Variants in SND1 observed in about 807,000 individuals in gnomAD.
The protein encoded by SND1 is staphylococcal nuclease domain-containing protein 1.
A neutral mutation model predicts 121.7 loss-of-function variants in SND1; 38 were observed. The observed-to-expected ratio is 0.31, with a 90% CI of 0.24 to 0.41. The LOEUF is 0.41. Among genes scored for constraint, SND1 ranks in the 10% least tolerant of loss-of-function variants. The pLI, the probability that SND1 is intolerant of heterozygous loss-of-function variation, is 1.00. For missense variants in SND1, 868 were observed against 1,184.6 expected (o/e 0.73, Z 3.92); for synonymous variants, 401 against 447.4 (o/e 0.90, Z 1.31).
chr7:127,997,400 A>G, intron 16 of SND1: 1 of 302,058 alleles, frequency 3.3e-6, no homozygotes, highest in Non-Finnish European at 6.4e-6. Context: ...AATGCTTCCA[A>G]GACTGCAGAG....
chr7:127,680,551 C>G (rs1428764739), intron 1 of SND1, among the ~76,000 whole-genome samples: 3 of 152,018 alleles, frequency 2.0e-5, no homozygotes, highest in African/African-American at 7.2e-5. Context: ...CGATATTTCT[C>G]CTATTTACTT....
intron 14 of SND1, among the ~76,000 whole-genome samples, chr7:127,927,341 A>C (rs1431488357): frequency 6.6e-6 from 1 of 152,218 alleles, no homozygotes; most frequent in Non-Finnish European, 1.5e-5. Flanking sequence ...AGGTTGCCTC[A>C]TGATTTGCGA....
intron 16 of SND1, among the ~76,000 whole-genome samples, chr7:127,994,549 C>CAAAAAAAAAAAAAAAA (rs563548702): frequency 4.3e-5 from 2 of 46,238 alleles, no homozygotes; most frequent in Non-Finnish European, 7.5e-5. Context: ...CACTTTTACT[C>CAAAAAAAAAAAAAAAA]AAAAAAAAAA....
intron 15 of SND1, among the ~76,000 whole-genome samples, chr7:127,967,950 T>C (rs1801893538): frequency 6.6e-6 from 1 of 152,212 alleles, no homozygotes; most frequent in Non-Finnish European, 1.5e-5. Flanking sequence ...CTCTATGTAT[T>C]TCCCCCTGGA....
chr7:127,850,486 G>C (rs572582381), intron 12 of SND1, among the ~76,000 whole-genome samples: 1 of 152,278 alleles, frequency 6.6e-6, no homozygotes, highest in East Asian at 1.9e-4. Context: ...TGGCTCTGCC[G>C]GGAGGTAGGG....
chr7:127,825,930 G>A (rs942736145), intron 11 of SND1, among the ~76,000 whole-genome samples: 4 of 152,138 alleles, frequency 2.6e-5, no homozygotes, highest in Admixed American at 6.5e-5. Flanking sequence ...GGTGGCTCAT[G>A]CCTGTAATCC....
intron 15 of SND1, among the ~76,000 whole-genome samples, chr7:127,971,777 T>A (rs1801995023): frequency 6.6e-6 from 1 of 151,402 alleles, no homozygotes; most frequent in South Asian, 2.1e-4. Flanking sequence ...ATTAATTTTT[T>A]TTTTTTTTTT....
chr7:127,835,484 A>G (rs772774540), intron 11 of SND1, among the ~76,000 whole-genome samples: 37 of 152,266 alleles, frequency 2.4e-4, no homozygotes, highest in African/African-American at 8.4e-4. Context: ...GAGGAAGGCA[A>G]TGGGAGTTGG....
At chr7:128,079,490 G>T (rs796266155) in intron 17 of SND1, among the ~76,000 whole-genome samples, 24 of 152,242 alleles carry the variant, frequency 1.6e-4, no homozygotes, top group South Asian at 1.2e-3. Context: ...GTGAGAAGGG[G>T]TCAGGAACTA....
At chr7:127,721,080 C>G (rs968776804) in intron 9 of SND1, among the ~76,000 whole-genome samples, 10 of 152,096 alleles carry the variant, frequency 6.6e-5, no homozygotes, top group African/African-American at 2.4e-4. Context: ...CAGATTTTGT[C>G]TCATTGAGAA....
chr7:127,841,446 T>C (rs1394069124), intron 11 of SND1, among the ~76,000 whole-genome samples: 1 of 152,188 alleles, frequency 6.6e-6, no homozygotes, highest in Non-Finnish European at 1.5e-5. Flanking sequence ...CCTTGTCCTA[T>C]TTAAAATGGG....
At chr7:127,829,448 G>T (rs1798700103) in intron 11 of SND1, among the ~76,000 whole-genome samples, 1 of 152,188 alleles carries the variant, frequency 6.6e-6, no homozygotes, top group Non-Finnish European at 1.5e-5. Flanking sequence ...GAAGTGGACA[G>T]ATTAGGAGAT....
chr7:127,669,482 A>G (rs1177082365), intron 1 of SND1, among the ~76,000 whole-genome samples: 2 of 152,228 alleles, frequency 1.3e-5, no homozygotes, highest in Non-Finnish European at 2.9e-5. Flanking sequence ...TAACTGTTCA[A>G]TATTCAGTTG....
chr7:128,086,599 G>A (rs1283812681), intron 20 of SND1: 9 of 368,646 alleles, frequency 2.4e-5, no homozygotes, highest in South Asian at 1.3e-4. Flanking sequence ...CTGTGGGAAC[G>A]TAGTCAGGGA....
chr7:127,701,754 G>A (rs895184014), intron 5 of SND1, among the ~76,000 whole-genome samples: 3 of 152,126 alleles, frequency 2.0e-5, no homozygotes, highest in East Asian at 1.9e-4. Flanking sequence ...AAAGATGCTC[G>A]AGTCCTTTAT....
intron 10 of SND1, among the ~76,000 whole-genome samples, chr7:127,768,866 A>C (rs940673848): frequency 6.6e-6 from 1 of 152,188 alleles, no homozygotes; most frequent in Non-Finnish European, 1.5e-5. Flanking sequence ...AGGATCAGGA[A>C]CAGTTTATAG....
intron 15 of SND1, among the ~76,000 whole-genome samples, chr7:127,949,951 C>G (rs1056944323): frequency 3.3e-5 from 5 of 152,218 alleles, no homozygotes; most frequent in Admixed American, 2.6e-4. Context: ...TTCTCTTCCT[C>G]TCACTGTACT....
intron 10 of SND1, among the ~76,000 whole-genome samples, chr7:127,804,426 G>A (rs1056630013): frequency 6.6e-6 from 1 of 151,896 alleles, no homozygotes; most frequent in Non-Finnish European, 1.5e-5. Context: ...TTCTTTTGAG[G>A]GTATTTTGTC....
chr7:127,730,176 T>A (rs1425201476), intron 10 of SND1, among the ~76,000 whole-genome samples: 1 of 152,124 alleles, frequency 6.6e-6, no homozygotes, highest in Non-Finnish European at 1.5e-5. Context: ...CCATGTTGGT[T>A]AGGCTGGTCT....
Sources: gnomAD v4.1 joint callset for allele counts (sites outside exome capture counted in the v4.1 genomes callset) on GRCh38, gnomAD v4.1.1 for gene constraint, MANE v1.5 for transcripts, NCBI Gene and HGNC (gene_info 2026-07-23, HGNC 2026-07-21) for gene names.